SNX24: variants seen among roughly 807,000 people sequenced by gnomAD.
The protein encoded by SNX24 is sorting nexin-24.
In SNX24, 22 loss-of-function variants were observed where a neutral mutation model predicts 28.7. That is an observed-to-expected ratio of 0.77 (90% CI 0.55 to 1.10). The LOEUF (loss-of-function observed/expected upper bound fraction) is 1.10, where lower values mean the gene tolerates loss of function less well. SNX24 is among the 50% of genes least tolerant of loss of function. The probability of loss-of-function intolerance (pLI) is 0.00; values close to 1 mark genes in which losing one functional copy is unlikely to be tolerated. For missense variants in SNX24, 221 were observed against 201.1 expected (o/e 1.10, Z -0.60); for synonymous variants, 69 against 71.5 (o/e 0.96, Z 0.18).
intron 3 of SNX24, among the ~76,000 whole-genome samples, chr5:122,968,484 T>C (rs1451650343): frequency 6.6e-6 from 1 of 152,208 alleles, no homozygotes. Flanking sequence ...AGAACAACTG[T>C]GTGACATCAA....
At chr5:122,936,978 G>T (rs1360682141) in intron 2 of SNX24, among the ~76,000 whole-genome samples, 161 bp downstream of exon 2, 1 of 152,074 alleles carries the variant, frequency 6.6e-6, no homozygotes, top group Non-Finnish European at 1.5e-5. Flanking sequence ...AAGTTATTCA[G>T]TTCCTTAAAG....
At chr5:122,938,697 T>A (rs1759292994) in intron 2 of SNX24, among the ~76,000 whole-genome samples, 1 of 59,588 alleles carries the variant, frequency 1.7e-5, no homozygotes, top group African/African-American at 1.2e-4. Flanking sequence ...TCCCAGCACT[T>A]TGGGAGGCCG....
At chr5:122,919,805 G>A (rs1043879524) in intron 1 of SNX24, among the ~76,000 whole-genome samples, 1 of 152,154 alleles carries the variant, frequency 6.6e-6, no homozygotes, top group Admixed American at 6.6e-5. Context: ...CAAACCAGGT[G>A]CTGGCTACAC....
At chr5:122,897,216 C>T (rs1226721821) in intron 1 of SNX24, among the ~76,000 whole-genome samples, 2 of 152,082 alleles carry the variant, frequency 1.3e-5, no homozygotes, top group Non-Finnish European at 2.9e-5. Flanking sequence ...AAATGGAAAT[C>T]AAAGATGTCA....
At chr5:122,975,478 G>A (rs924660646) in intron 3 of SNX24, among the ~76,000 whole-genome samples, 1 of 152,008 alleles carries the variant, frequency 6.6e-6, no homozygotes, top group South Asian at 2.1e-4. Flanking sequence ...TACATTGATA[G>A]GGATATTTCT....
At chr5:122,904,265 C>G (rs1757556026) in intron 1 of SNX24, among the ~76,000 whole-genome samples, 1 of 152,096 alleles carries the variant, frequency 6.6e-6, no homozygotes, top group Admixed American at 6.5e-5. Flanking sequence ...TCGCCACGGC[C>G]TCTGCCCCCT....
chr5:123,005,508 G>A (rs961806300), intron 6 of SNX24, among the ~76,000 whole-genome samples: 2 of 152,048 alleles, frequency 1.3e-5, no homozygotes, highest in African/African-American at 2.4e-5. Flanking sequence ...TGTTACCAGC[G>A]CAGTAGAGTT....
intron 3 of SNX24, among the ~76,000 whole-genome samples, chr5:122,967,578 A>C (rs1760764211): frequency 6.6e-6 from 1 of 152,184 alleles, no homozygotes; most frequent in South Asian, 2.1e-4. Context: ...CTCTGATAAA[A>C]AGGTGGATTA....
rs757613760 is a variant in SNX24 at position 122,999,964 on chromosome 5, A to G, written c.302A>G (p.Asn101Ser). 4 of 1,613,552 alleles carry G rather than the reference A, an allele frequency of 2.5e-6. No homozygotes were observed. In the East Asian group the frequency reaches 8.9e-5, roughly 36 times the overall value. ...CCCAAACTGTTTCTTGATTTCCTAA[A>G]TGTGCGACACTTGCCCTCTCTACCA... ...ELPKLFLDFL[N>S]VRHLPSLPKA... Residue 101 changes from asparagine to serine, a missense_variant, in exon 4 of 7, where the codon AAT becomes AGT. Physicochemically the swap from Asn to Ser is conservative, Grantham distance 46 (BLOSUM62 1). Coordinates refer to ENST00000261369, the MANE Select transcript of SNX24 (RefSeq NM_014035.4).
At chr5:122,894,819 T>G (rs1757132388) in intron 1 of SNX24, among the ~76,000 whole-genome samples, 1 of 152,210 alleles carries the variant, frequency 6.6e-6, no homozygotes, top group South Asian at 2.1e-4. Flanking sequence ...GAGTGTTGAC[T>G]GCACATTCTC....
intron 5 of SNX24, chr5:123,025,823 G>A (rs368146054): frequency 3.8e-5 from 61 of 1,613,666 alleles, no homozygotes; most frequent in Middle Eastern, 1.6e-4. Context: ...CATGTTTGCC[G>A]TCCAACCAGG....
intron 5 of SNX24, chr5:123,023,813 C>T: frequency 6.7e-7 from 1 of 1,485,238 alleles, no homozygotes; most frequent in South Asian, 1.4e-5. Flanking sequence ...ACACAACACA[C>T]ACACACACAC....
intron 3 of SNX24, among the ~76,000 whole-genome samples, chr5:122,987,275 C>T (rs919786268): frequency 6.6e-6 from 1 of 152,090 alleles, no homozygotes; most frequent in South Asian, 2.1e-4. Flanking sequence ...TCAGTAGCTT[C>T]GGCATCACCT....
intron 1 of SNX24, among the ~76,000 whole-genome samples, chr5:122,908,929 C>T (rs1337362225): frequency 6.6e-6 from 1 of 152,160 alleles, no homozygotes; most frequent in Non-Finnish European, 1.5e-5. Flanking sequence ...CTGAAAGGAC[C>T]TTACGGTGAG....
At chr5:123,000,185 T>G (rs965480455) in intron 4 of SNX24, among the ~76,000 whole-genome samples, 179 bp downstream of exon 4, 2 of 152,254 alleles carry the variant, frequency 1.3e-5, no homozygotes, top group Non-Finnish European at 2.9e-5. Flanking sequence ...TGAGTCCTTA[T>G]GCCCATCTTG....
intron 3 of SNX24, among the ~76,000 whole-genome samples, chr5:122,959,663 GT>G (rs1760386311): frequency 6.6e-6 from 1 of 151,260 alleles, no homozygotes; most frequent in Admixed American, 6.6e-5. Context: ...TTAAGGCATT[GT>G]TTTTGGGTTT....
chr5:122,991,623 C>T (rs1581841823), intron 3 of SNX24, among the ~76,000 whole-genome samples: 1 of 152,212 alleles, frequency 6.6e-6, no homozygotes, highest in East Asian at 1.9e-4. Context: ...CCTCACCCAG[C>T]TAATTTTTTG....
At chr5:122,867,347 G>A (rs1029466250) in intron 1 of SNX24, among the ~76,000 whole-genome samples, 1 of 152,210 alleles carries the variant, frequency 6.6e-6, no homozygotes, top group Admixed American at 6.5e-5. Context: ...TTGTGTGCAG[G>A]GAAGGCAAGT....
intron 2 of SNX24, among the ~76,000 whole-genome samples, chr5:122,944,275 G>C (rs2150123849): frequency 6.6e-6 from 1 of 152,236 alleles, no homozygotes; most frequent in South Asian, 2.1e-4. Context: ...TTTCTGGCAA[G>C]AAGAGCCTGT....
Sources: allele counts gnomAD v4.1 joint callset (sites outside exome capture counted in the v4.1 genomes callset), GRCh38; gene constraint gnomAD v4.1.1; transcripts MANE v1.5; gene names NCBI Gene and HGNC (gene_info 2026-07-23, HGNC 2026-07-21).